Variants in CNTNAP5 observed in about 807,000 individuals in gnomAD.
CNTNAP5 encodes contactin associated protein family member 5.
In CNTNAP5, 72 loss-of-function variants were observed where a neutral mutation model predicts 150.2. That is an observed-to-expected ratio of 0.48 (90% confidence interval 0.40 to 0.58). The LOEUF is 0.58. Ranked by LOEUF, CNTNAP5 falls within the 20% of genes least tolerant of loss-of-function variation. The probability of loss-of-function intolerance (pLI) is 0.00; values close to 1 mark genes in which losing one functional copy is unlikely to be tolerated. For missense variants in CNTNAP5, 1,636 were observed against 1,626.2 expected, an observed-to-expected ratio of 1.01 and a Z score of -0.10; for synonymous variants, 672 against 619.8, an observed-to-expected ratio of 1.08 and a Z score of -1.25.
At chr2:124,172,443 CA>C (rs1219754054) in intron 1 of CNTNAP5, among the ~76,000 whole-genome samples, 5 of 152,248 alleles carry the variant, frequency 3.3e-5, no homozygotes, top group African/African-American at 1.2e-4. Flanking sequence ...GACATGGCCT[CA>C]CTCTATCACC....
chr2:124,596,460 T>C (rs1212321383), intron 11 of CNTNAP5, among the ~76,000 whole-genome samples: 1 of 59,506 alleles, frequency 1.7e-5, no homozygotes, highest in Non-Finnish European at 3.2e-5. Flanking sequence ...TGAGTGAGAT[T>C]CTTAATCCTG....
intron 3 of CNTNAP5, among the ~76,000 whole-genome samples, chr2:124,336,441 A>G (rs950169215): frequency 2.0e-5 from 3 of 151,708 alleles, no homozygotes; most frequent in Non-Finnish European, 1.5e-5. Context: ...TGTTACATAT[A>G]TATACATGTG....
At chr2:124,620,456 A>T (rs988393802) in intron 12 of CNTNAP5, among the ~76,000 whole-genome samples, 2 of 152,024 alleles carry the variant, frequency 1.3e-5, no homozygotes, top group African/African-American at 2.4e-5. Context: ...TTGCTGCTCA[A>T]CCTCTCTCCA....
chr2:124,509,669 G>T (rs1694510626), intron 8 of CNTNAP5, among the ~76,000 whole-genome samples: 1 of 152,172 alleles, frequency 6.6e-6, no homozygotes, highest in Non-Finnish European at 1.5e-5. Context: ...TCTTTACACA[G>T]TATCCTGCTG....
At chr2:124,182,972 C>T (rs1685244977) in intron 1 of CNTNAP5, among the ~76,000 whole-genome samples, 1 of 152,164 alleles carries the variant, frequency 6.6e-6, no homozygotes, top group South Asian at 2.1e-4. Flanking sequence ...TTTTCTTCTT[C>T]ATTCTCACAA....
chr2:124,533,894 C>A (rs562962770), intron 10 of CNTNAP5, among the ~76,000 whole-genome samples: 5 of 152,176 alleles, frequency 3.3e-5, no homozygotes, highest in African/African-American at 1.2e-4. Context: ...TACCCCTGAA[C>A]GTCACAGCTT....
intron 3 of CNTNAP5, among the ~76,000 whole-genome samples, chr2:124,327,473 T>C (rs1689247907): frequency 1.3e-5 from 2 of 152,118 alleles, no homozygotes; most frequent in South Asian, 4.1e-4. Flanking sequence ...TTTGACATTA[T>C]ACCCTCCTCA....
intron 8 of CNTNAP5, among the ~76,000 whole-genome samples, chr2:124,515,976 A>G (rs1185068728): frequency 6.6e-6 from 1 of 152,180 alleles, no homozygotes; most frequent in Non-Finnish European, 1.5e-5. Context: ...AGTTGGATCT[A>G]GCAAGGTGTC....
At chr2:124,604,910 G>A (rs1188353311) in intron 11 of CNTNAP5, among the ~76,000 whole-genome samples, 2 of 152,132 alleles carry the variant, frequency 1.3e-5, no homozygotes, top group Non-Finnish European at 2.9e-5. Context: ...CCTGTTCAAT[G>A]AAGTCAAACA....
chr2:124,723,155 ATC>A (rs1680081602), intron 13 of CNTNAP5, among the ~76,000 whole-genome samples: 1 of 152,172 alleles, frequency 6.6e-6, no homozygotes, highest in African/African-American at 2.4e-5. Context: ...GCTTTAATGT[ATC>A]TCTTCCAATG....
At chr2:124,254,213 A>G (rs1038383517) in intron 3 of CNTNAP5, among the ~76,000 whole-genome samples, 3 of 152,214 alleles carry the variant, frequency 2.0e-5, no homozygotes, top group African/African-American at 7.2e-5. Context: ...TTGAATGCTG[A>G]CCAAGACTTT....
intron 1 of CNTNAP5, among the ~76,000 whole-genome samples, chr2:124,155,323 A>G (rs997952227): frequency 2.0e-5 from 3 of 151,726 alleles, no homozygotes; most frequent in Non-Finnish European, 2.9e-5. Context: ...CTGCTCTTCA[A>G]CCTCCTGTAA....
intron 3 of CNTNAP5, among the ~76,000 whole-genome samples, chr2:124,403,289 T>C (rs992457820): frequency 1.3e-5 from 2 of 152,204 alleles, no homozygotes; most frequent in Admixed American, 6.5e-5. Context: ...CTTTCTTTTT[T>C]TTCTCTCTGT....
chr2:124,724,144 A>AAATAATAATAATAAT lies in CNTNAP5; in HGVS notation c.2078-23066_2078-23052dup, dbSNP rs60984074. On this transcript the variant is annotated intron_variant, in intron 13 of 23. Transcript: ENST00000682447. ...TGGTGACAGAGGGAGACTCCATCTCAAATAATAATAATAATAATAATAATA... is the reference window on the plus strand; with the variant it reads ...TGGTGACAGAGGGAGACTCCATCTCAAATAATAATAATAATAATAATAATAATAATAATAATAATA... 5.3e-3 allele frequency among the ~76,000 whole-genome samples: 768 copies of AAATAATAATAATAAT among 145,692 alleles called. 4 individuals carry two copies. Among genetic ancestry groups the AAATAATAATAATAAT allele is most frequent in the African/African-American group, 0.018 (694 of 39,350 alleles).
At chr2:124,517,678 T>G in intron 8 of CNTNAP5, among the ~76,000 whole-genome samples, 1 of 140,328 alleles carries the variant, frequency 7.1e-6, no homozygotes, top group Admixed American at 7.2e-5. Flanking sequence ...GATGGAGGGT[T>G]GTGGTGTTTG....
intron 1 of CNTNAP5, among the ~76,000 whole-genome samples, chr2:124,122,040 GA>G (rs1193320143): frequency 6.6e-6 from 1 of 152,172 alleles, no homozygotes; most frequent in Non-Finnish European, 1.5e-5. Context: ...TCATGATGGG[GA>G]GAAAGGAGAT....
chr2:124,561,110 G>A (rs1270280420), intron 10 of CNTNAP5, among the ~76,000 whole-genome samples: 2 of 150,046 alleles, frequency 1.3e-5, no homozygotes, highest in African/African-American at 2.5e-5. Flanking sequence ...TTGTGTTTAC[G>A]TGTGTGCTGT....
intron 10 of CNTNAP5, among the ~76,000 whole-genome samples, chr2:124,560,552 C>T (rs920761586): frequency 6.8e-6 from 1 of 147,718 alleles, no homozygotes; most frequent in African/African-American, 2.5e-5. Flanking sequence ...GTGCAGAAAA[C>T]GTTTCTTTTT....
chr2:124,703,770 G>A (rs1679575459), intron 13 of CNTNAP5, among the ~76,000 whole-genome samples: 2 of 152,200 alleles, frequency 1.3e-5, no homozygotes, highest in South Asian at 2.1e-4. Context: ...CCCCAAAGAC[G>A]ATAATCATAG....
Sources: allele counts gnomAD v4.1 joint callset (sites outside exome capture counted in the v4.1 genomes callset), GRCh38; gene constraint gnomAD v4.1.1; transcripts MANE v1.5; gene names NCBI Gene and HGNC (gene_info 2026-07-23, HGNC 2026-07-21).